The following HELQ variants were observed in gnomAD, a reference collection of about 807,000 sequenced individuals.
HELQ encodes helicase POLQ-like.
HELQ carries 77 observed loss-of-function variants against 111.6 expected under a neutral mutation model. That is an observed-to-expected ratio of 0.69 (90% CI 0.57 to 0.83). The LOEUF is 0.83. Ranked by LOEUF, HELQ falls within the 40% of genes least tolerant of loss-of-function variation. The pLI, the probability that HELQ is intolerant of heterozygous loss-of-function variation, is 0.00. For synonymous variants in HELQ, 438 were observed against 454.7 expected (o/e 0.96, Z 0.47); for missense variants, 1,200 against 1,288.5 (o/e 0.93, Z 1.05).
intron 11 of HELQ, among the ~76,000 whole-genome samples, chr4:83,430,976 T>C (rs1720110758): frequency 1.3e-5 from 2 of 152,108 alleles, no homozygotes; most frequent in Admixed American, 6.6e-5. Flanking sequence ...TTTGACATAG[T>C]AATTGAAACC....
intron 7 of HELQ, among the ~76,000 whole-genome samples, chr4:83,440,232 T>TA (rs960497706): frequency 7.3e-5 from 11 of 151,294 alleles, no homozygotes; most frequent in Admixed American, 4.0e-4. Flanking sequence ...CTAGTTAGTC[T>TA]AAAAAAAAAC....
intron 6 of HELQ, among the ~76,000 whole-genome samples, chr4:83,442,276 T>TTTTC (rs1720803532): frequency 6.9e-6 from 1 of 145,428 alleles, no homozygotes; most frequent in African/African-American, 2.6e-5. Flanking sequence ...TTTTTTTTTT[T>TTTTC]TTTTTTTTTG....
chr4:83,436,719 C>A, intron 9 of HELQ, 139 bp downstream of exon 9: 2 of 746,822 alleles, frequency 2.7e-6, no homozygotes, highest in South Asian at 5.2e-5. Context: ...GAAAATAAAC[C>A]AACCAATCAA....
Position 83,407,429 on chromosome 4 carries a change from T to G in HELQ, c.*24A>C, listed in dbSNP as rs369435071. The G allele has an allele frequency of 3.6e-6, 5 of 1,398,974 alleles. No individual in the cohort carries two copies. Among genetic ancestry groups the G allele is most frequent in the Non-Finnish European group, 5.0e-6 (5 of 1,009,360 alleles). The allele number at this position is 1,398,974 out of a possible 1,614,324, so 86.7% of individuals were successfully genotyped here. A position where few individuals can be genotyped will look rare whatever the true frequency, so the allele number is the denominator to read the frequency against. On this transcript the variant is annotated 3_prime_UTR_variant, in exon 18 of 18. Transcript: ENST00000295488. ...ACACATGTACAATAAATAATTCATA[T>G]ATGAAAATTCTCATCAGATAGCTTC... is the stretch of plus-strand genomic sequence containing the variant.
Position 83,447,040 on chromosome 4 carries a change from AAT to A in HELQ, c.1192-7_1192-6del. 6.3e-7 allele frequency: 1 copy of A among 1,597,580 alleles called. No homozygotes were observed. The highest frequency in any genetic ancestry group is 8.6e-7 in the Non-Finnish European group (1 of 1,166,754). ...AAAACTTGACAAACCTGAAATCTAG[AAT>A]ATTAGTTAAAATAAAGAAAAATTGG... On this transcript the variant is annotated splice_polypyrimidine_tract_variant and splice_region_variant and intron_variant, in intron 3 of 17. Transcript: ENST00000295488.
chr4:83,429,795 T>A (rs1485179029), intron 11 of HELQ, 49 bp from the exon 12 acceptor site: 2 of 1,093,122 alleles, frequency 1.8e-6, no homozygotes, highest in Non-Finnish European at 2.7e-6. Context: ...ATTCAAGGCA[T>A]CACCTTGAAT....
chr4:83,418,056 A>T, intron 16 of HELQ, 37 bp downstream of exon 16: 1 of 1,148,074 alleles, frequency 8.7e-7, no homozygotes, highest in Admixed American at 2.0e-5. Flanking sequence ...GTATTAATTC[A>T]ACATAATTTC....
At chr4:83,427,835 A>T in intron 12 of HELQ, 115 bp from the exon 13 acceptor site, 1 of 633,378 alleles carries the variant, frequency 1.6e-6, no homozygotes. Context: ...AAAATCTCTT[A>T]TAACATCTTA....
rs746605354 is a variant in HELQ, at chr4:83,455,716, C to G, written c.-23G>C. On this transcript the variant is annotated 5_prime_UTR_variant, in exon 1 of 18. Transcript: ENST00000295488. ...CATGGCAAGGACCCAGGGCCCTATTCAGACGTCGTTCTCAGTGACCCAGAC... is the reference window on the plus strand; with the variant it reads ...CATGGCAAGGACCCAGGGCCCTATTGAGACGTCGTTCTCAGTGACCCAGAC... 11 of 1,589,480 alleles carry G rather than the reference C, an allele frequency of 6.9e-6. No individual in the cohort carries two copies. Among genetic ancestry groups the G allele is most frequent in the Non-Finnish European group, 9.4e-6 (11 of 1,174,748 alleles).
At chr4:83,413,139 C>A (rs950318928) in intron 17 of HELQ, among the ~76,000 whole-genome samples, 1 of 152,204 alleles carries the variant, frequency 6.6e-6, no homozygotes, top group Admixed American at 6.5e-5. Context: ...TTCCCCCATA[C>A]CTTGACCTAT....
intron 13 of HELQ, among the ~76,000 whole-genome samples, chr4:83,427,101 A>C (rs1204603972): frequency 6.6e-6 from 1 of 152,186 alleles, no homozygotes; most frequent in Non-Finnish European, 1.5e-5. Context: ...TTTTCTTTGC[A>C]TTCTAGGCAT....
chr4:83,451,056 AGCT>A (rs1721336818), intron 2 of HELQ, among the ~76,000 whole-genome samples: 2 of 152,226 alleles, frequency 1.3e-5, no homozygotes, highest in Non-Finnish European at 2.9e-5. Context: ...CCACCGCTTT[AGCT>A]TAATAAAAAG....
intron 1 of HELQ, 91 bp from the exon 2 acceptor site, chr4:83,454,036 T>C: frequency 1.3e-6 from 1 of 797,880 alleles, no homozygotes; most frequent in Non-Finnish European, 2.0e-6. Context: ...AAACCCCGTG[T>C]CTACAGAAAA....
In HELQ at chr4:83,432,182, C is replaced by G. The variant is rs769628681; in HGVS notation, c.2134G>C (p.Gly712Arg). The G allele has an allele frequency of 5.6e-6, 9 of 1,602,162 alleles. No individual in the cohort carries two copies. The South Asian group carries it at 1.0e-4, about 18-fold the overall frequency. Residue 712 changes from glycine (G) to arginine (R), a missense_variant, in exon 10 of 18, where the codon GGA becomes CGA. Physicochemically the swap from Gly to Arg is moderately radical, Grantham distance 125. Coordinates refer to ENST00000295488, the MANE Select transcript of HELQ (RefSeq NM_133636.5). ...KQMIGRAGRA[G>R]IDTIGESILI... Reference sequence around the variant, plus strand: ...ATACTCTCCCCAATAGTATCTATTCCAGCACGACCAGCTCTGCCAATCATC... The same window carrying G: ...ATACTCTCCCCAATAGTATCTATTCGAGCACGACCAGCTCTGCCAATCATC...
At chr4:83,409,683 C>G (rs1458441671) in intron 17 of HELQ, among the ~76,000 whole-genome samples, 2 of 151,908 alleles carry the variant, frequency 1.3e-5, no homozygotes, top group African/African-American at 4.8e-5. Context: ...TAAATATTCT[C>G]AAATAAAAAT....
chr4:83,415,718 C>T (rs1264902731), intron 17 of HELQ, among the ~76,000 whole-genome samples: 1 of 152,010 alleles, frequency 6.6e-6, no homozygotes, highest in East Asian at 1.9e-4. Context: ...CTACAACCTC[C>T]ACCTCCTGGG....
chr4:83,439,395 T>A (rs1297043082), intron 8 of HELQ, among the ~76,000 whole-genome samples: 1 of 149,108 alleles, frequency 6.7e-6, no homozygotes, highest in Non-Finnish European at 1.5e-5. Flanking sequence ...AGTCTCGCTG[T>A]GTCACGCAGG....
intron 11 of HELQ, among the ~76,000 whole-genome samples, chr4:83,430,598 A>C (rs1720090322): frequency 6.6e-6 from 1 of 152,174 alleles, no homozygotes; most frequent in Non-Finnish European, 1.5e-5. Context: ...GTCAATCAAT[A>C]AGTATATTTC....
At chr4:83,418,886 C>T (rs909371736) in intron 15 of HELQ, among the ~76,000 whole-genome samples, 2 of 152,146 alleles carry the variant, frequency 1.3e-5, no homozygotes, top group Non-Finnish European at 2.9e-5. Context: ...TTGAATCAAT[C>T]AATCCTGAAG....
Sources: gnomAD v4.1 joint callset for allele counts (sites outside exome capture counted in the v4.1 genomes callset) on GRCh38, gnomAD v4.1.1 for gene constraint, MANE v1.5 for transcripts, NCBI Gene and HGNC (gene_info 2026-07-23, HGNC 2026-07-21) for gene names.